Variants in DAAM2 observed in about 807,000 individuals in gnomAD.
DAAM2 encodes disheveled-associated activator of morphogenesis 2.
DAAM2 carries 39 observed loss-of-function variants against 120.7 expected under a neutral mutation model. The ratio of observed to expected loss-of-function variants is 0.32; its 90% CI spans 0.25 to 0.42. DAAM2 has a LOEUF of 0.42. DAAM2 is among the 10% of genes least tolerant of loss of function. The pLI is 1.00. For synonymous variants in DAAM2, 488 were observed against 524.9 expected (o/e 0.93, Z 0.96); for missense variants, 1,283 against 1,401.7 (o/e 0.92, Z 1.35).
intron 3 of DAAM2, chr6:39,862,805 CAAAAAAAAAAAAAAAAAAA>C (rs60238956): frequency 2.0e-5 from 1 of 50,634 alleles, no homozygotes; most frequent in South Asian, 1.3e-3. Context: ...AACTCCATCT[CAAAAAAAAAAAAAAAAAAA>C]AAAAAAAAAA....
chr6:39,895,017 A>G (rs1344285176), intron 19 of DAAM2, among the ~76,000 whole-genome samples: 2 of 152,106 alleles, frequency 1.3e-5, no homozygotes, highest in African/African-American at 4.8e-5. Flanking sequence ...CTGCTGTTAC[A>G]TGTAGCAGTG....
intron 1 of DAAM2, among the ~76,000 whole-genome samples, chr6:39,830,587 G>A (rs535547188): frequency 9.9e-5 from 15 of 152,222 alleles, no homozygotes; most frequent in East Asian, 3.9e-4. Flanking sequence ...AGAGAGGGCC[G>A]CCTGGGAATA....
chr6:39,823,876 C>T (rs1762574776), intron 1 of DAAM2, among the ~76,000 whole-genome samples: 1 of 152,160 alleles, frequency 6.6e-6, no homozygotes, highest in Non-Finnish European at 1.5e-5. Context: ...CCATCCTCTT[C>T]CACCTCCTTT....
At chr6:39,849,920 G>A (rs188997474) in intron 1 of DAAM2, among the ~76,000 whole-genome samples, 34 of 152,304 alleles carry the variant, frequency 2.2e-4, no homozygotes, top group South Asian at 1.7e-3. Flanking sequence ...CCAGCAGCAC[G>A]TGGCACGTGG....
chr6:39,894,764 G>C (rs894384146), intron 19 of DAAM2, among the ~76,000 whole-genome samples: 8 of 152,014 alleles, frequency 5.3e-5, no homozygotes, highest in Admixed American at 1.3e-4. Context: ...GGCACTACAG[G>C]CACATGCCAC....
intron 1 of DAAM2, among the ~76,000 whole-genome samples, chr6:39,830,605 A>G (rs555123295): frequency 1.3e-5 from 2 of 152,288 alleles, no homozygotes; most frequent in South Asian, 4.1e-4. Context: ...ATAGCTGGGA[A>G]GCAAGTCCAG....
At chr6:39,893,812 AAGATG>A (rs1446024973) in intron 19 of DAAM2, among the ~76,000 whole-genome samples, 1 of 152,190 alleles carries the variant, frequency 6.6e-6, no homozygotes, top group Non-Finnish European at 1.5e-5. Flanking sequence ...GGATTGTGCA[AAGATG>A]GGATTCTTAT....
rs754707591 is a variant in DAAM2, at chr6:39,879,330, G to A, written c.1698G>A (p.Pro566=). The A allele has an allele frequency of 8.7e-6, 6 of 688,584 alleles. No homozygotes were observed. The highest frequency in any genetic ancestry group is 1.1e-5 in the Non-Finnish European group (6 of 541,754). The allele number at this position is 688,584 out of a possible 1,614,324, so 42.7% of individuals were successfully genotyped here. ...CACCCCTTCCTCCCGGGGGACCCCC[G>A]ACTCCCCCAGGTGCCCCACCTTGCC... ...PPPPLPPGGP[P]TPPGAPPCLG... is the part of the protein sequence containing the mutation. The change falls in exon 14 of 25, where the codon CCG becomes CCA. Residue 566 remains proline (P), a synonymous_variant. Coordinates refer to ENST00000274867, the MANE Select transcript of DAAM2 (RefSeq NM_001201427.2).
intron 6 of DAAM2, 95 bp downstream of exon 6, chr6:39,867,938 G>T (rs1764498321): frequency 2.6e-6 from 3 of 1,154,758 alleles, no homozygotes; most frequent in African/African-American, 1.5e-5. Flanking sequence ...GCAGAAACTG[G>T]GGGAAAAGGA....
rs1766456915 is a variant in DAAM2 at position 39,901,161 on chromosome 6, C to T, written c.2812-141C>T. The T allele has an allele frequency of 4.1e-6, 3 of 724,324 alleles. No individual in the cohort carries two copies. The highest frequency in any genetic ancestry group is 7.1e-6 in the Non-Finnish European group (3 of 423,782). The allele number at this position is 724,324 out of a possible 1,614,324, so 44.9% of individuals were successfully genotyped here. A position where few individuals can be genotyped will look rare whatever the true frequency, so the allele number is the denominator to read the frequency against. On this transcript the variant is annotated intron_variant, in intron 23 of 24. Transcript: ENST00000274867. This position sits in a 1 kb window ranked among gnomAD's most constrained non-coding sequence, Gnocchi z 4.5. ...TGATGATGATGGGGGTGTCTTCTCA[C>T]CTCTTCCAGCCCTGCCCCCTGTGCC...
rs947381243 is a variant in DAAM2 at position 39,901,936 on chromosome 6, T to C, written c.3106T>C (p.Phe1036Leu). 3 of 1,611,530 alleles carry C rather than the reference T, an allele frequency of 1.9e-6. No homozygotes were observed. The highest frequency in any genetic ancestry group is 2.7e-5 in the African/African-American group (2 of 74,860). The part of the protein sequence containing the change: ...LVSALRSGEV[F>L]DKDLCKLKRS... ...GTCGGCCCTGCGCTCTGGGGAGGTCTTCGACAAGGACTTATGCAAGCTCAA... is the reference window on the plus strand; with the variant it reads ...GTCGGCCCTGCGCTCTGGGGAGGTCCTCGACAAGGACTTATGCAAGCTCAA... The change falls in exon 25 of 25, where the codon TTC becomes CTC. Residue 1036 changes from phenylalanine (F) to leucine (L), a missense_variant. Phe to Leu is a conservative substitution (Grantham distance 22, BLOSUM62 0). Coordinates refer to ENST00000274867, the MANE Select transcript of DAAM2 (RefSeq NM_001201427.2). This position sits in a 1 kb window ranked among gnomAD's most constrained non-coding sequence, Gnocchi z 4.5.
At chr6:39,819,500 C>T (rs551585438) in intron 1 of DAAM2, 1 of 152,330 alleles carries the variant, frequency 6.6e-6, no homozygotes, top group South Asian at 2.1e-4. Context: ...CTCTCAAACA[C>T]ACTCTCAAAC....
Position 39,868,842 on chromosome 6 carries a change from A to T in DAAM2, c.782A>T (p.Asp261Val). 6.3e-7 allele frequency: 1 copy of T among 1,582,554 alleles called. No individual in the cohort carries two copies. Among genetic ancestry groups the T allele is most frequent in the South Asian group, 1.2e-5 (1 of 85,950 alleles). The change falls in exon 7 of 25, where the codon GAC becomes GTC. Residue 261 changes from aspartate (D) to valine (V), a missense_variant. This residue lies in a region of DAAM2 where 338 missense variants were observed against 443.9 expected (regional missense o/e 0.76). Transcript: ENST00000274867. ...ACCTAGACCCTGCTGAACGAGCTAG[A>T]CCGAAGTCTGGGCCGGTACCGGGAT... ...TRFQTLLNEL[D>V]RSLGRYRDEV...
In DAAM2 at chr6:39,875,482, A is replaced by G; in HGVS notation, c.1301+14A>G. 6.2e-7 allele frequency: 1 copy of G among 1,610,876 alleles called. No individual in the cohort carries two copies. The highest frequency in any genetic ancestry group is 8.5e-7 in the Non-Finnish European group (1 of 1,178,098). On this transcript the variant is annotated intron_variant, in intron 11 of 24. Coordinates refer to ENST00000274867, the MANE Select transcript of DAAM2 (RefSeq NM_001201427.2). ...CATCGTCAACATGTGAGCAGTGGCC[A>G]GCCTTTGCCCTGTCTTCCTCCACCT... is the stretch of plus-strand genomic sequence containing the variant.
In DAAM2 at chr6:39,902,162, TG is replaced by T; in HGVS notation, c.*131del. 1.3e-6 allele frequency: 1 copy of T among 781,010 alleles called. No individual in the cohort carries two copies. The allele number at this position is 781,010 out of a possible 1,614,324, so 48.4% of individuals were successfully genotyped here. Reference sequence around the variant, plus strand: ...TAGAGCCTTGGGCTGGGTCCTGGGATGGGGGGCTGTGTGTGGCTGGACCAGG... The same window carrying T: ...TAGAGCCTTGGGCTGGGTCCTGGGATGGGGGCTGTGTGTGGCTGGACCAGG... On this transcript the variant is annotated 3_prime_UTR_variant, in exon 25 of 25. Transcript: ENST00000274867.
At chr6:39,796,866 G>T (rs1226752168) in intron 1 of DAAM2, among the ~76,000 whole-genome samples, 1 of 151,974 alleles carries the variant, frequency 6.6e-6, no homozygotes, top group African/African-American at 2.4e-5. Context: ...CCCCAGGGTT[G>T]TTCTGAAAAT....
chr6:39,812,975 T>C (rs1762206602), intron 1 of DAAM2, among the ~76,000 whole-genome samples: 1 of 151,728 alleles, frequency 6.6e-6, no homozygotes, highest in Non-Finnish European at 1.5e-5. Context: ...TCCAGGAAAA[T>C]AAGTGTAGAT....
chr6:39,850,824 G>A (rs1763782717), intron 1 of DAAM2, among the ~76,000 whole-genome samples: 1 of 152,178 alleles, frequency 6.6e-6, no homozygotes, highest in Non-Finnish European at 1.5e-5. Context: ...CCCTGTGTCT[G>A]AAGGTAGGAA....
intron 2 of DAAM2, among the ~76,000 whole-genome samples, chr6:39,859,380 T>C (rs1296545187): frequency 6.6e-6 from 1 of 152,222 alleles, no homozygotes; most frequent in Non-Finnish European, 1.5e-5. Flanking sequence ...CAAACAGGGT[T>C]CTGGGAATTT....
Sources: gnomAD v4.1 joint callset for allele counts (sites outside exome capture counted in the v4.1 genomes callset) on GRCh38, gnomAD v4.1.1 for gene constraint, gnomAD v4.1.1 regional missense constraint, Gnocchi (gnomAD v3.1) non-coding constraint, MANE v1.5 for transcripts, NCBI Gene and HGNC (gene_info 2026-07-23, HGNC 2026-07-21) for gene names.